Variants in MSRA observed in about 807,000 individuals in gnomAD.
MSRA encodes the protein methionine sulfoxide reductase A.
MSRA carries 54 observed loss-of-function variants against 31.3 expected under a neutral mutation model. The ratio of observed to expected loss-of-function variants is 1.73; its 90% CI spans 1.39 to 2.17. The LOEUF (loss-of-function observed/expected upper bound fraction) is 2.17, where lower values mean the gene tolerates loss of function less well. MSRA is among the 30% of genes most tolerant of loss of function. MSRA has a pLI of 0.00. For synonymous variants in MSRA, 169 were observed against 116.5 expected, an observed-to-expected ratio of 1.45 and a Z score of -2.90; for missense variants, 507 against 300.9, an observed-to-expected ratio of 1.69 and a Z score of -5.07.
chr8:10,094,704 C>T (rs1799033554), intron 1 of MSRA, among the ~76,000 whole-genome samples: 1 of 152,116 alleles, frequency 6.6e-6, no homozygotes, highest in African/African-American at 2.4e-5. Context: ...ATTTCTTAAA[C>T]CAGGTAAGTG....
At chr8:10,381,104 C>T (rs1195335615) in intron 5 of MSRA, among the ~76,000 whole-genome samples, 1 of 152,134 alleles carries the variant, frequency 6.6e-6, no homozygotes, top group East Asian at 1.9e-4. Context: ...TCCTATGCTT[C>T]TGTGGCTTCT....
chr8:10,420,580 C>G (rs552958027), intron 5 of MSRA, among the ~76,000 whole-genome samples: 1 of 152,058 alleles, frequency 6.6e-6, no homozygotes, highest in Admixed American at 6.6e-5. Context: ...TAGGATGATG[C>G]GGGCCTCTTT....
intron 2 of MSRA, among the ~76,000 whole-genome samples, chr8:10,225,789 G>A (rs1452279384): frequency 6.6e-6 from 1 of 152,224 alleles, no homozygotes; most frequent in Non-Finnish European, 1.5e-5. Context: ...GATGCAGGGT[G>A]CAGGTGCTAG....
chr8:10,081,940 A>G lies in MSRA; in HGVS notation c.142+27282A>G, dbSNP rs536233595. On this transcript the variant is annotated intron_variant, in intron 1 of 5. Coordinates refer to ENST00000317173, the MANE Select transcript of MSRA (RefSeq NM_012331.5). ...ACCTCATCCATGGCTTTGGTGGCTC[A>G]TGCCTGTGTCCCAGCGCTGTGAGGG... Among the ~76,000 whole-genome samples the G allele has an allele frequency of 2.6e-5, 4 of 152,276 alleles. No homozygotes were observed. In the East Asian group the frequency reaches 7.7e-4, roughly 29 times the overall value.
chr8:10,139,976 A>G (rs1802573183), intron 1 of MSRA, among the ~76,000 whole-genome samples: 1 of 152,220 alleles, frequency 6.6e-6, no homozygotes, highest in Non-Finnish European at 1.5e-5. Context: ...ATCTATAGCA[A>G]AAGACAGATG....
intron 1 of MSRA, among the ~76,000 whole-genome samples, chr8:10,185,881 G>T (rs6996281): frequency 0.55 from 82,862 of 151,772 alleles, 24,095 homozygotes; most frequent in African/African-American, 0.77. Flanking sequence ...ATAAGATAGG[G>T]GTAATTTCCA....
At chr8:10,406,025 C>A (rs534243673) in intron 5 of MSRA, among the ~76,000 whole-genome samples, 3 of 152,254 alleles carry the variant, frequency 2.0e-5, no homozygotes, top group Non-Finnish European at 4.4e-5. Context: ...GGGCTGCCTG[C>A]AGTGAGTGTG....
At chr8:10,186,587 C>G (rs1807074952) in intron 1 of MSRA, among the ~76,000 whole-genome samples, 1 of 152,186 alleles carries the variant, frequency 6.6e-6, no homozygotes. Context: ...TGTTCTATAA[C>G]TAATTGAGTA....
chr8:10,347,585 G>C (rs1803863976), intron 5 of MSRA, among the ~76,000 whole-genome samples: 1 of 152,096 alleles, frequency 6.6e-6, no homozygotes, highest in Non-Finnish European at 1.5e-5. Context: ...CTGCCGCCTG[G>C]TCACTGGGTT....
chr8:10,054,895 T>C (rs368289403), intron 1 of MSRA, among the ~76,000 whole-genome samples: 1 of 152,210 alleles, frequency 6.6e-6, no homozygotes, highest in East Asian at 1.9e-4. Flanking sequence ...CTGGGCATTC[T>C]GAAGGAATCT....
intron 5 of MSRA, among the ~76,000 whole-genome samples, chr8:10,343,238 C>T (rs973076094): frequency 6.6e-6 from 1 of 152,132 alleles, no homozygotes; most frequent in African/African-American, 2.4e-5. Flanking sequence ...AAAGGGATTC[C>T]AGAATCCATG....
chr8:10,239,599 C>T, intron 2 of MSRA, among the ~76,000 whole-genome samples: 1 of 152,258 alleles, frequency 6.6e-6, no homozygotes, highest in Non-Finnish European at 1.5e-5. Context: ...CTTTTGCCTA[C>T]TTGTCCCTGT....
intron 5 of MSRA, among the ~76,000 whole-genome samples, chr8:10,403,004 C>T (rs887599200): frequency 6.6e-6 from 1 of 152,164 alleles, no homozygotes; most frequent in African/African-American, 2.4e-5. Flanking sequence ...TTCTAAGCAA[C>T]CAGAAGTTAT....
At chr8:10,317,707 G>A (rs993416641) in intron 4 of MSRA, among the ~76,000 whole-genome samples, 2 of 152,118 alleles carry the variant, frequency 1.3e-5, no homozygotes, top group Admixed American at 6.5e-5. Context: ...TGCTTTCCTG[G>A]TACATCAAGA....
At chr8:10,236,613 C>T (rs920975948) in intron 2 of MSRA, among the ~76,000 whole-genome samples, 1 of 152,204 alleles carries the variant, frequency 6.6e-6, no homozygotes, top group Non-Finnish European at 1.5e-5. Flanking sequence ...GGTGGAATCT[C>T]AGCTCGCTGC....
chr8:10,379,021 C>G (rs997475096), intron 5 of MSRA, among the ~76,000 whole-genome samples: 3 of 152,230 alleles, frequency 2.0e-5, no homozygotes, highest in Non-Finnish European at 2.9e-5. Flanking sequence ...CGCAGACATG[C>G]TTATGTTGGA....
intron 1 of MSRA, among the ~76,000 whole-genome samples, chr8:10,183,176 G>C (rs963034754): frequency 2.6e-5 from 4 of 152,164 alleles, no homozygotes; most frequent in East Asian, 1.9e-4. Flanking sequence ...TGCCTTCCTA[G>C]ACTTGGTACT....
At chr8:10,137,070 C>T (rs761343337) in intron 1 of MSRA, among the ~76,000 whole-genome samples, 13 of 152,160 alleles carry the variant, frequency 8.5e-5, no homozygotes, top group South Asian at 2.1e-4. Context: ...GACAAAAATT[C>T]GCTTCCATCC....
intron 1 of MSRA, among the ~76,000 whole-genome samples, chr8:10,065,043 T>A (rs904149549): frequency 1.3e-5 from 2 of 151,846 alleles, no homozygotes; most frequent in Non-Finnish European, 2.9e-5. Flanking sequence ...TGCTGAAAAC[T>A]CCATTGCCTT....
Sources: allele counts gnomAD v4.1 joint callset (sites outside exome capture counted in the v4.1 genomes callset), GRCh38; gene constraint gnomAD v4.1.1; transcripts MANE v1.5; gene names NCBI Gene and HGNC (gene_info 2026-07-23, HGNC 2026-07-21).